Variants in ZBTB5 observed in about 807,000 individuals in gnomAD.
ZBTB5 encodes zinc finger and BTB domain containing 5, also known as zinc finger and BTB domain-containing protein 5.
A neutral mutation model predicts 37.9 loss-of-function variants in ZBTB5; 15 were observed. The ratio of observed to expected loss-of-function variants is 0.40; its 90% confidence interval spans 0.26 to 0.61. The LOEUF (loss-of-function observed/expected upper bound fraction) is 0.61, where lower values mean the gene tolerates loss of function less well. ZBTB5 is among the 20% of genes least tolerant of loss of function. ZBTB5 has a pLI of 0.47. For missense variants in ZBTB5, 708 were observed against 856.8 expected, an observed-to-expected ratio of 0.83 and a Z score of 2.17; for synonymous variants, 315 against 312.4, an observed-to-expected ratio of 1.01 and a Z score of -0.09.
At chr9:37,444,128 T>G (rs998226719) in intron 1 of ZBTB5, among the ~76,000 whole-genome samples, 1 of 152,148 alleles carries the variant, frequency 6.6e-6, no homozygotes, top group African/African-American at 2.4e-5. Context: ...AAGGAATTAA[T>G]CAGGTCCAAT....
chr9:37,459,070 A>G (rs143748254), intron 1 of ZBTB5, among the ~76,000 whole-genome samples: 40 of 152,336 alleles, frequency 2.6e-4, no homozygotes, highest in African/African-American at 9.6e-4. Flanking sequence ...TAATCAAAAT[A>G]GTGTATCACG....
intron 1 of ZBTB5, among the ~76,000 whole-genome samples, chr9:37,456,014 ATCACGGT>A (rs1329478441): frequency 2.0e-5 from 3 of 151,402 alleles, no homozygotes; most frequent in Non-Finnish European, 4.4e-5. Context: ...CAGTGGCCTG[ATCACGGT>A]TCACTGCAGC....
chr9:37,462,491 A>G (rs1343424429), intron 1 of ZBTB5, among the ~76,000 whole-genome samples: 3 of 151,262 alleles, frequency 2.0e-5, no homozygotes, highest in Admixed American at 6.6e-5. Context: ...TATTTTACAT[A>G]TATCTACCCC....
intron 1 of ZBTB5, among the ~76,000 whole-genome samples, chr9:37,464,189 T>C (rs1824345890): frequency 6.6e-6 from 1 of 152,226 alleles, no homozygotes; most frequent in African/African-American, 2.4e-5. Context: ...CAGCCCATAC[T>C]AGGACAACAA....
At chr9:37,447,268 A>G (rs879049830) in intron 1 of ZBTB5, among the ~76,000 whole-genome samples, 1 of 152,234 alleles carries the variant, frequency 6.6e-6, no homozygotes, top group Admixed American at 6.5e-5. Flanking sequence ...AGATGTTGTG[A>G]GAACTCACTA....
At chr9:37,462,562 G>GT (rs372165548) in intron 1 of ZBTB5, among the ~76,000 whole-genome samples, 10,760 of 132,378 alleles carry the variant, frequency 0.081, 470 homozygotes, top group African/African-American at 0.12. Context: ...TGCTTTAACC[G>GT]TTTTTTTTTT....
In ZBTB5 at chr9:37,442,558, A is replaced by C; in HGVS notation, c.-4-3T>G. The C allele has an allele frequency of 1.9e-6, 3 of 1,583,712 alleles. No homozygotes were observed. The highest frequency in any genetic ancestry group is 2.6e-6 in the Non-Finnish European group (3 of 1,162,872). On this transcript the variant is annotated splice_polypyrimidine_tract_variant and splice_region_variant and intron_variant, in intron 1 of 1. Transcript: ENST00000307750. ...AGTGACCAGGAAAATCCATGATCCTACAGAAAAACAAAGAAAGAAAATGTT... is the reference window on the plus strand; with the variant it reads ...AGTGACCAGGAAAATCCATGATCCTCCAGAAAAACAAAGAAAGAAAATGTT...
chr9:37,450,070 A>G (rs1037593974), intron 1 of ZBTB5, among the ~76,000 whole-genome samples: 2 of 152,144 alleles, frequency 1.3e-5, no homozygotes, highest in Non-Finnish European at 2.9e-5. Flanking sequence ...TGTGGGCCCT[A>G]CGTAAATCAG....
rs905901739 is a variant in ZBTB5, at chr9:37,461,605, G to A, written c.-5+3610C>T. 4.6e-5 allele frequency among the ~76,000 whole-genome samples: 7 copies of A among 152,252 alleles called. No homozygotes were observed. The South Asian group carries it at 1.5e-3, about 32-fold the overall frequency. On this transcript the variant is annotated intron_variant, in intron 1 of 1. Transcript: ENST00000307750. The stretch of plus-strand genomic sequence containing the variant: ...TTAGTCGGGCATGGTGGCACGAGCT[G>A]TAGTCCCAGCTACTCAGGAGGCTGA...
In ZBTB5 at chr9:37,441,002, A is replaced by C. The variant is rs375939862; in HGVS notation, c.1550T>G (p.Phe517Cys). Residue 517 changes from phenylalanine (F) to cysteine (C), a missense_variant, in exon 2 of 2, where the codon TTC (phenylalanine) becomes TGC (cysteine). Transcript: ENST00000307750. ...TGGGGAACCTATCATTACCCTGGAG[A>C]AGGAGGAGTGGAGGCCCAAACCAGA... ...SRSGLGLHSS[F>C]SRVMIGSPRG... The C allele has an allele frequency of 6.2e-7, 1 of 1,614,018 alleles. No homozygotes were observed. Among genetic ancestry groups the C allele is most frequent in the Non-Finnish European group, 8.5e-7 (1 of 1,180,030 alleles).
Position 37,438,975 on chromosome 9 carries a change from C to T in ZBTB5, c.*1543G>A, listed in dbSNP as rs1171117899. On this transcript the variant is annotated 3_prime_UTR_variant, in exon 2 of 2. Transcript: ENST00000307750. The stretch of plus-strand genomic sequence containing the variant: ...CTCTAGATTAACAGGAGAGAAAACA[C>T]GCTCATTTTTGTTTCCAGCTACACA... 8 of 152,334 alleles carry T rather than the reference C, an allele frequency of 5.3e-5. No individual in the cohort carries two copies. The highest frequency in any genetic ancestry group is 4.1e-4 in the South Asian group (2 of 4,828). 9.4% of individuals were successfully genotyped at this position (152,334 alleles called of 1,614,324 possible). A position where few individuals can be genotyped will look rare whatever the true frequency, so the allele number is the denominator to read the frequency against.
chr9:37,465,422 G>A lies in ZBTB5; in HGVS notation c.-212C>T, dbSNP rs969272257. 1 of 150,264 alleles carries A rather than the reference G, an allele frequency of 6.7e-6. No homozygotes were observed. Among genetic ancestry groups the A allele is most frequent in the Non-Finnish European group, 1.5e-5 (1 of 67,628 alleles). 9.3% of individuals were successfully genotyped at this position (150,264 alleles called of 1,614,324 possible). On this transcript the variant is annotated 5_prime_UTR_variant, in exon 1 of 2. Coordinates refer to ENST00000307750, the MANE Select transcript of ZBTB5 (RefSeq NM_014872.3). ...CGCCGCAGCACTCTGAGAACACGGC[G>A]GCGGCGCCCGAGGATAAGCGGAAGT...
Position 37,441,514 on chromosome 9 carries a change from C to T in ZBTB5, c.1038G>A (p.Val346=). 1 of 1,613,008 alleles carries T rather than the reference C, an allele frequency of 6.2e-7. No homozygotes were observed. Among genetic ancestry groups the T allele is most frequent in the Non-Finnish European group, 8.5e-7 (1 of 1,179,886 alleles). The change falls in exon 2 of 2, where the codon GTG becomes GTA. Residue 346 remains valine, a synonymous_variant. Coordinates refer to ENST00000307750, the MANE Select transcript of ZBTB5 (RefSeq NM_014872.3). ...ACTCGCTGCCTTCTGCTTGTGAGGTCACATCGCTCACTTCATCCTGAGGCT... is the reference window on the plus strand; with the variant it reads ...ACTCGCTGCCTTCTGCTTGTGAGGTTACATCGCTCACTTCATCCTGAGGCT... The part of the protein sequence containing the change: ...SPEPQDEVSD[V]TSQAEGSESV...
chr9:37,449,208 G>C (rs1020191559), intron 1 of ZBTB5, among the ~76,000 whole-genome samples: 4 of 152,136 alleles, frequency 2.6e-5, no homozygotes, highest in African/African-American at 9.7e-5. Context: ...AACGTAGTGA[G>C]ATTCTATATA....
chr9:37,464,401 T>C (rs1209363345), intron 1 of ZBTB5, among the ~76,000 whole-genome samples: 1 of 152,276 alleles, frequency 6.6e-6, no homozygotes, highest in Non-Finnish European at 1.5e-5. Flanking sequence ...TCAACTTTAC[T>C]GTGCTTTCAC....
At position 37,441,174 on chromosome 9, in the gene ZBTB5, A is replaced by G; in HGVS notation, c.1378T>C (p.Ser460Pro). ...TTCTCTACATGGGAGCCAGGGGCAGAGGAGGGCCCACCTGCAGGCCCAGCC... is the reference window on the plus strand; with the variant it reads ...TTCTCTACATGGGAGCCAGGGGCAGGGGAGGGCCCACCTGCAGGCCCAGCC... ...PEAGPAGGPS[S>P]APGSHVENPF... The change falls in exon 2 of 2, where the codon TCT becomes CCT. Residue 460 changes from serine (S) to proline (P), a missense_variant. Transcript: ENST00000307750. 1 of 1,614,018 alleles carries G rather than the reference A, an allele frequency of 6.2e-7. No individual in the cohort carries two copies. The highest frequency in any genetic ancestry group is 8.5e-7 in the Non-Finnish European group (1 of 1,179,936).
At chr9:37,461,323 T>C (rs2118962270) in intron 1 of ZBTB5, among the ~76,000 whole-genome samples, 1 of 152,344 alleles carries the variant, frequency 6.6e-6, no homozygotes, top group Admixed American at 6.5e-5. Context: ...GTTGAGTGGA[T>C]TTTAAATTAT....
chr9:37,440,342 C>T lies in ZBTB5; in HGVS notation c.*176G>A. 1.6e-6 allele frequency: 1 copy of T among 608,408 alleles called. No homozygotes were observed. Among genetic ancestry groups the T allele is most frequent in the Non-Finnish European group, 2.8e-6 (1 of 350,968 alleles). 37.7% of individuals were successfully genotyped at this position (608,408 alleles called of 1,614,324 possible). ...TTGCATCCCTTTCCCAAGACGTGCA[C>T]TTCACTCAGAAATGCAGCAGCACAA... On this transcript the variant is annotated 3_prime_UTR_variant, in exon 2 of 2. Coordinates refer to ENST00000307750, the MANE Select transcript of ZBTB5 (RefSeq NM_014872.3).
At chr9:37,457,381 G>A (rs928059960) in intron 1 of ZBTB5, among the ~76,000 whole-genome samples, 5 of 152,092 alleles carry the variant, frequency 3.3e-5, no homozygotes, top group East Asian at 1.9e-4. Flanking sequence ...CTACAGGCAC[G>A]TCACCATGCC....
Sources: gnomAD v4.1 joint callset for allele counts (sites outside exome capture counted in the v4.1 genomes callset) on GRCh38, gnomAD v4.1.1 for gene constraint, MANE v1.5 for transcripts, NCBI Gene and HGNC (gene_info 2026-07-23, HGNC 2026-07-21) for gene names.